PAK3: variants seen among roughly 807,000 people sequenced by gnomAD.
The protein encoded by PAK3 is p21 (RAC1) activated kinase 3, also known as serine/threonine-protein kinase PAK 3.
Under a neutral mutation model 41.0 loss-of-function variants are expected in PAK3, and 4 were observed. The observed-to-expected ratio is 0.10, with a 90% CI of 0.05 to 0.22. The LOEUF (loss-of-function observed/expected upper bound fraction) is 0.22, where lower values mean the gene tolerates loss of function less well. Among genes scored for constraint, PAK3 ranks in the 10% least tolerant of loss-of-function variants. PAK3 has a pLI of 1.00. For synonymous variants in PAK3, 146 were observed against 139.6 expected (o/e 1.05, Z -0.32); for missense variants, 205 against 409.9 (o/e 0.50, Z 4.32).
chrX:110,992,804 C>T (rs2091673721), intron 1 of PAK3, among the ~76,000 whole-genome samples: 1 of 111,315 alleles, frequency 9.0e-6, no homozygotes, highest in African/African-American at 3.3e-5. Context: ...TTTTCACCAC[C>T]GGGTGGCAGT....
chrX:111,211,688 A>G (rs190021387), intron 16 of PAK3, among the ~76,000 whole-genome samples: 1,958 of 109,341 alleles, frequency 0.018, 23 homozygotes, highest in Non-Finnish European at 0.03. Context: ...AAAAAAAAAA[A>G]AAAGAAAGAA....
At chrX:111,189,005 C>A (rs142146678) in intron 11 of PAK3, among the ~76,000 whole-genome samples, 22 of 111,023 alleles carry the variant, frequency 2.0e-4, no homozygotes, top group African/African-American at 7.2e-4. Context: ...GTTTGGGGTA[C>A]GAATTATCCC....
chrX:111,169,436 A>C lies in PAK3; in HGVS notation c.767-3582A>C, dbSNP rs778073351. ...CCTTCAGTTCTAATTCTTACAAGTC[A>C]AAGTTCCAAATAGATAGATATAGAC... On this transcript the variant is annotated intron_variant, in intron 10 of 17. Transcript: ENST00000372007. The C allele has an allele frequency of 9.9e-4, 124 of 124,724 alleles. 1 individual carries two copies. Among genetic ancestry groups the C allele is most frequent in the African/African-American group, 3.6e-3 (111 of 31,007 alleles). 10.3% of individuals were successfully genotyped at this position (124,724 alleles called of 1,213,427 possible).
chrX:111,128,155 A>G (rs1012029006), intron 5 of PAK3, among the ~76,000 whole-genome samples: 1 of 112,065 alleles, frequency 8.9e-6, no homozygotes, highest in African/African-American at 3.3e-5. Context: ...CTACTGAAGC[A>G]TGCTTATATG....
chrX:111,215,105 A>C (rs1368378139), intron 16 of PAK3, among the ~76,000 whole-genome samples: 1 of 111,767 alleles, frequency 8.9e-6, no homozygotes, highest in African/African-American at 3.3e-5. Context: ...GTAGCTCTCT[A>C]TATATGTCTG....
rs2094955426 is a variant in PAK3, at chrX:111,226,824, A to C, written c.*6377A>C. 9.0e-6 allele frequency: 1 copy of C among 111,597 alleles called. No individual in the cohort carries two copies. Among genetic ancestry groups the C allele is most frequent in the Admixed American group, 9.5e-5 (1 of 10,497 alleles). The allele number at this position is 111,597 out of a possible 1,213,427, so 9.2% of individuals were successfully genotyped here. A position where few individuals can be genotyped will look rare whatever the true frequency, so the allele number is the denominator to read the frequency against. On this transcript the variant is annotated 3_prime_UTR_variant, in exon 18 of 18. Coordinates refer to ENST00000372007, the MANE Select transcript of PAK3 (RefSeq NM_002578.5). ...TGGTGTGCTTTATGGACCCGCAAATACCATATTCATTATTGATGATAAGAT... is the reference window on the plus strand; with the variant it reads ...TGGTGTGCTTTATGGACCCGCAAATCCCATATTCATTATTGATGATAAGAT...
intron 10 of PAK3, among the ~76,000 whole-genome samples, chrX:111,165,790 T>C (rs1043242615): frequency 9.9e-6 from 1 of 101,298 alleles, no homozygotes; most frequent in Non-Finnish European, 1.9e-5. Context: ...AATGCTTGTA[T>C]AGTTTTGTTA....
rs956708025 is a variant in PAK3, at chrX:111,222,161, A to G, written c.*1714A>G. On this transcript the variant is annotated 3_prime_UTR_variant, in exon 18 of 18. Coordinates refer to ENST00000372007, the MANE Select transcript of PAK3 (RefSeq NM_002578.5). Reference sequence around the variant, plus strand: ...CTTAATTTGCAGTATAAAAGAATCTAAACAGAACTTATGTACATTCAGCCA... The same window carrying G: ...CTTAATTTGCAGTATAAAAGAATCTGAACAGAACTTATGTACATTCAGCCA... 8.9e-6 allele frequency: 1 copy of G among 112,173 alleles called. No individual in the cohort carries two copies. Among genetic ancestry groups the G allele is most frequent in the African/African-American group, 3.2e-5 (1 of 30,886 alleles). The allele number at this position is 112,173 out of a possible 1,213,427, so 9.2% of individuals were successfully genotyped here. A position where few individuals can be genotyped will look rare whatever the true frequency, so the allele number is the denominator to read the frequency against.
chrX:111,089,105 A>G (rs911639431), intron 1 of PAK3, among the ~76,000 whole-genome samples: 33 of 112,368 alleles, frequency 2.9e-4, no homozygotes, highest in African/African-American at 1.1e-3. Flanking sequence ...GCAAGTCTGA[A>G]TAAAGTCAGT....
At chrX:110,978,865 T>C (rs1254088910) in intron 1 of PAK3, among the ~76,000 whole-genome samples, 5 of 111,043 alleles carry the variant, frequency 4.5e-5, no homozygotes, top group Non-Finnish European at 7.5e-5. Context: ...TTTTCTCCCC[T>C]TTCCACTTTC....
intron 1 of PAK3, among the ~76,000 whole-genome samples, chrX:110,993,919 G>T (rs769489996): frequency 1.8e-5 from 2 of 111,411 alleles, no homozygotes; most frequent in African/African-American, 3.3e-5. Flanking sequence ...ACAGATCTAT[G>T]GTTTTACTGG....
Position 111,173,320 on chromosome X carries a change from T to G in PAK3, c.830+239T>G, listed in dbSNP as rs6567946. Among the ~76,000 whole-genome samples the G allele has an allele frequency of 0.15, 16,193 of 110,924 alleles. 2,431 individuals carry two copies. The highest frequency in any genetic ancestry group is 0.46 in the African/African-American group (13,936 of 30,167). On this transcript the variant is annotated intron_variant, in intron 11 of 17. Transcript: ENST00000372007. ...TGTTGGGCTGACAGTAAATTCTGTGTGGACATTTTGATCCTATGTAGTTAG... is the reference window on the plus strand; with the variant it reads ...TGTTGGGCTGACAGTAAATTCTGTGGGGACATTTTGATCCTATGTAGTTAG...
At chrX:110,952,512 T>C (rs773334950) in intron 1 of PAK3, among the ~76,000 whole-genome samples, 27 of 110,983 alleles carry the variant, frequency 2.4e-4, no homozygotes, top group African/African-American at 8.2e-4. Context: ...TCTAGGGATA[T>C]ATGTATGTGC....
chrX:110,982,408 T>G (rs1312130113), intron 1 of PAK3, among the ~76,000 whole-genome samples: 1 of 111,969 alleles, frequency 8.9e-6, no homozygotes, highest in Non-Finnish European at 1.9e-5. Flanking sequence ...TATGAAATGG[T>G]GACACTGATC....
chrX:111,134,567 C>T (rs2093761729), intron 5 of PAK3, among the ~76,000 whole-genome samples: 1 of 111,789 alleles, frequency 8.9e-6, no homozygotes, highest in South Asian at 3.7e-4. Flanking sequence ...AAGTCCCAGT[C>T]CCTGGCCTTA....
intron 5 of PAK3, among the ~76,000 whole-genome samples, chrX:111,138,640 A>G (rs1049219766): frequency 2.7e-5 from 3 of 111,183 alleles, no homozygotes; most frequent in African/African-American, 9.8e-5. Flanking sequence ...AGGCATAGGT[A>G]TAGCATGTAT....
chrX:111,040,816 G>C (rs2092445929), intron 1 of PAK3, among the ~76,000 whole-genome samples: 1 of 112,350 alleles, frequency 8.9e-6, no homozygotes, highest in South Asian at 3.7e-4. Context: ...TGTACCAGAG[G>C]GAAGTTCAGA....
At position 111,133,890 on chromosome X, in the gene PAK3, T is replaced by G. The variant is rs190434418; in HGVS notation, c.176-8206T>G. On this transcript the variant is annotated intron_variant, in intron 5 of 17. Coordinates refer to ENST00000372007, the MANE Select transcript of PAK3 (RefSeq NM_002578.5). Reference sequence around the variant, plus strand: ...ATTGTTTTGTGCTTTTAGGCTAAATTTATGTAGGAAAGCATTTCCCTATGT... The same window carrying G: ...ATTGTTTTGTGCTTTTAGGCTAAATGTATGTAGGAAAGCATTTCCCTATGT... Among the ~76,000 whole-genome samples, 349 of 112,234 alleles carry G rather than the reference T, an allele frequency of 3.1e-3. 2 individuals carry two copies. Among genetic ancestry groups the G allele is most frequent in the African/African-American group, 0.011 (339 of 30,952 alleles).
intron 5 of PAK3, among the ~76,000 whole-genome samples, chrX:111,123,657 C>A (rs988946584): frequency 8.9e-6 from 1 of 111,880 alleles, no homozygotes; most frequent in Non-Finnish European, 1.9e-5. Flanking sequence ...GGTAGGTTTA[C>A]TTCTGTATAC....
Sources: allele counts gnomAD v4.1 joint callset (sites outside exome capture counted in the v4.1 genomes callset), GRCh38; gene constraint gnomAD v4.1.1; transcripts MANE v1.5; gene names NCBI Gene and HGNC (gene_info 2026-07-23, HGNC 2026-07-21).